Variants in ADARB2 observed in about 807,000 individuals in gnomAD.
ADARB2 encodes adenosine deaminase RNA specific B2 (inactive).
In ADARB2, 25 loss-of-function variants were observed where a neutral mutation model predicts 62.2. The observed-to-expected ratio is 0.40, with a 90% CI of 0.29 to 0.56. The LOEUF is 0.56. ADARB2 is among the 20% of genes least tolerant of loss of function. The pLI is 0.43. For missense variants in ADARB2, 1,071 were observed against 1,077.4 expected (o/e 0.99, Z 0.08); for synonymous variants, 572 against 500.8 (o/e 1.14, Z -1.90).
chr10:1,393,191 T>C (rs541345535), intron 1 of ADARB2, among the ~76,000 whole-genome samples: 1 of 152,340 alleles, frequency 6.6e-6, no homozygotes, highest in South Asian at 2.1e-4. Context: ...TTCTTCTCTC[T>C]GTTGGTTAAA....
At chr10:1,427,406 G>A (rs1463370136) in intron 1 of ADARB2, among the ~76,000 whole-genome samples, 3 of 152,156 alleles carry the variant, frequency 2.0e-5, no homozygotes, top group Non-Finnish European at 4.4e-5. Context: ...CATTAGAAAC[G>A]GGCAAAAGAC....
intron 7 of ADARB2, among the ~76,000 whole-genome samples, chr10:1,214,928 C>T (rs1014373507): frequency 6.6e-6 from 1 of 152,230 alleles, no homozygotes; most frequent in Admixed American, 6.5e-5. Context: ...AAGGAAAGGG[C>T]ACCATTTTCC....
chr10:1,685,521 G>C (rs1588352179), intron 1 of ADARB2, among the ~76,000 whole-genome samples: 1 of 152,108 alleles, frequency 6.6e-6, no homozygotes, highest in African/African-American at 2.4e-5. Flanking sequence ...GAATCCTTGG[G>C]AAAATTTAGA....
intron 1 of ADARB2, among the ~76,000 whole-genome samples, chr10:1,732,111 A>G (rs957781184): frequency 2.0e-5 from 3 of 152,082 alleles, no homozygotes; most frequent in Non-Finnish European, 4.4e-5. Flanking sequence ...ATTTTCTACT[A>G]TTTTGGAAAA....
At chr10:1,540,571 T>G (rs12243709) in intron 1 of ADARB2, among the ~76,000 whole-genome samples, 53 of 41,346 alleles carry the variant, frequency 1.3e-3, no homozygotes, top group Middle Eastern at 0.012. Flanking sequence ...CCCACTCAGA[T>G]GTAGTTCAGA....
rs114672184 is a variant in ADARB2 at position 1,721,761 on chromosome 10, A to C, written c.100+15290T>G. On this transcript the variant is annotated intron_variant, in intron 1 of 9. Transcript: ENST00000381312. Reference sequence around the variant, plus strand: ...GAGCTCTGGATCTCAGGGACACAGCATTTGTGCTTTCATCTACCCTCAGCC... The same window carrying C: ...GAGCTCTGGATCTCAGGGACACAGCCTTTGTGCTTTCATCTACCCTCAGCC... Among the ~76,000 whole-genome samples the C allele has an allele frequency of 6.2e-3, 942 of 152,248 alleles. 10 individuals are homozygous for C. Among genetic ancestry groups the C allele is most frequent in the African/African-American group, 0.022 (899 of 41,532 alleles).
chr10:1,390,855 A>G (rs1832563829), intron 1 of ADARB2, among the ~76,000 whole-genome samples: 1 of 152,234 alleles, frequency 6.6e-6, no homozygotes, highest in African/African-American at 2.4e-5. Flanking sequence ...TGGGATCAGA[A>G]CTGTGAGCCT....
chr10:1,698,402 C>T, intron 1 of ADARB2, among the ~76,000 whole-genome samples: 1 of 152,232 alleles, frequency 6.6e-6, no homozygotes. Context: ...GCTCTGCGAC[C>T]TCCGATGTCA....
At position 1,363,580 on chromosome 10, in the gene ADARB2, C is replaced by T. The variant is rs1035276911; in HGVS notation, c.525G>A (p.Lys175=). ...LTFEGTGPTK[K]KAKMRAAELA... ...GCTCCGCCGCGCGCATCTTGGCCTT[C>T]TTCTTGGTGGGGCCTGTGCCCTCGA... Residue 175 remains lysine (K), a synonymous_variant, in exon 3 of 10, where the codon AAG becomes AAA. Coordinates refer to ENST00000381312, the MANE Select transcript of ADARB2 (RefSeq NM_018702.4). The T allele has an allele frequency of 1.9e-6, 3 of 1,587,444 alleles. No individual in the cohort carries two copies. Among genetic ancestry groups the T allele is most frequent in the Non-Finnish European group, 2.6e-6 (3 of 1,167,322 alleles).
At position 1,363,244 on chromosome 10, in the gene ADARB2, G is replaced by T; in HGVS notation, c.861C>A (p.Arg287=). 7.3e-7 allele frequency: 1 copy of T among 1,361,844 alleles called. No homozygotes were observed. The highest frequency in any genetic ancestry group is 9.5e-7 in the Non-Finnish European group (1 of 1,053,418). The allele number at this position is 1,361,844 out of a possible 1,614,324, so 84.4% of individuals were successfully genotyped here. A position where few individuals can be genotyped will look rare whatever the true frequency, so the allele number is the denominator to read the frequency against. ...RNPVVLLNRL[R]AGLRYVCLAE... is the part of the protein sequence containing the mutation. ...CCAGACACACGTAGCGCAGCCCGGC[G>T]CGCAGGCGGTTCAGCAGCACCACGG... Residue 287 remains arginine (R), a synonymous_variant, in exon 3 of 10, where the codon CGC becomes CGA. Coordinates refer to ENST00000381312, the MANE Select transcript of ADARB2 (RefSeq NM_018702.4).
At position 1,363,209 on chromosome 10, in the gene ADARB2, G is replaced by C; in HGVS notation, c.896C>G (p.Ala299Gly). Residue 299 changes from alanine to glycine, a missense_variant, in exon 3 of 10, where the codon GCC becomes GGC. Transcript: ENST00000381312. ...GLRYVCLAEPAERRARSFVMA... is the reference protein window; with the variant it reads ...GLRYVCLAEPGERRARSFVMA... ...CACGAAGCTCCGCGCGCGCCGCTCG[G>C]CCGGTTCTGCCAGACACACGTAGCG... 6.8e-7 allele frequency: 1 copy of C among 1,468,232 alleles called. No homozygotes were observed. The highest frequency in any genetic ancestry group is 1.3e-5 in the South Asian group (1 of 75,600). 91.0% of individuals were successfully genotyped at this position (1,468,232 alleles called of 1,614,324 possible).
rs555648029 is a variant in ADARB2 at position 1,222,618 on chromosome 10, T to G, written c.1514-5499A>C. ...TAAAGTGTAAGGAAGGGATCCAGTT[T>G]CAGCTTTCTACATATGGCTAGCCAG... On this transcript the variant is annotated intron_variant, in intron 6 of 9. Coordinates refer to ENST00000381312, the MANE Select transcript of ADARB2 (RefSeq NM_018702.4). Among the ~76,000 whole-genome samples the G allele has an allele frequency of 5.9e-4, 88 of 148,966 alleles. 7 individuals carry two copies. The highest frequency in any genetic ancestry group is 2.2e-3 in the African/African-American group (85 of 38,662).
intron 1 of ADARB2, among the ~76,000 whole-genome samples, chr10:1,519,929 C>T (rs1276271440): frequency 2.0e-5 from 3 of 152,284 alleles, no homozygotes; most frequent in East Asian, 3.9e-4. Flanking sequence ...CTTCTGCCAA[C>T]TGGAAATGTC....
chr10:1,546,919 G>C (rs1262444821), intron 1 of ADARB2, among the ~76,000 whole-genome samples: 1 of 152,232 alleles, frequency 6.6e-6, no homozygotes, highest in Non-Finnish European at 1.5e-5. Flanking sequence ...AGGAAGGGAG[G>C]GTCTGTGAAG....
chr10:1,657,967 C>T lies in ADARB2; in HGVS notation c.100+79084G>A, dbSNP rs530728125. On this transcript the variant is annotated intron_variant, in intron 1 of 9. Transcript: ENST00000381312. Reference sequence around the variant, plus strand: ...ATTCTCTGTCTGTGTCTGCCTCAGTCTCTCTCTATCTCAGTCTCTCTCTCT... The same window carrying T: ...ATTCTCTGTCTGTGTCTGCCTCAGTTTCTCTCTATCTCAGTCTCTCTCTCT... 2.4e-3 allele frequency among the ~76,000 whole-genome samples: 361 copies of T among 149,490 alleles called. 1 individual carries two copies. Among genetic ancestry groups the T allele is most frequent in the African/African-American group, 8.9e-3 (348 of 39,204 alleles).
At chr10:1,514,076 A>T (rs1332801205) in intron 1 of ADARB2, among the ~76,000 whole-genome samples, 1 of 150,198 alleles carries the variant, frequency 6.7e-6, no homozygotes, top group African/African-American at 2.4e-5. Context: ...CAAACAAAAA[A>T]TTAGCCAGGC....
chr10:1,679,341 G>A (rs1027777919), intron 1 of ADARB2, among the ~76,000 whole-genome samples: 3 of 152,036 alleles, frequency 2.0e-5, no homozygotes, highest in Non-Finnish European at 4.4e-5. Context: ...ATCCTGTGCC[G>A]GGCACCACAA....
rs370299598 is a variant in ADARB2, at chr10:1,242,193, C to T, written c.1299G>A (p.Ala433=). Residue 433 remains alanine (A), a synonymous_variant, in exon 5 of 10, where the codon GCG becomes GCA. Transcript: ENST00000381312. ...DQGLVVNDCH[A]EVVARRAFLH... is the part of the protein sequence containing the mutation. ...GGAACGCCCGCCGGGCCACGACCTCCGCGTGGCAGTCATTCACCACCAGCC... is the reference window on the plus strand; with the variant it reads ...GGAACGCCCGCCGGGCCACGACCTCTGCGTGGCAGTCATTCACCACCAGCC... 1.7e-5 allele frequency: 27 copies of T among 1,610,392 alleles called. No individual in the cohort carries two copies. The highest frequency in any genetic ancestry group is 1.3e-4 in the East Asian group (6 of 44,768).
In ADARB2 at chr10:1,379,093, C is replaced by T. The variant is rs373102685; in HGVS notation, c.168G>A (p.Thr56=). ...GCTTACTGAGGGTGTCGTCATCCTC[C>T]GTGTTTGTGATGCCAGGACTCAGGT... The part of the protein sequence containing the change: ...FKHLSPGITN[T]EDDDTLSTSS... Residue 56 remains threonine, a synonymous_variant, in exon 2 of 10, where the codon ACG becomes ACA. Transcript: ENST00000381312. 58 of 1,613,400 alleles carry T rather than the reference C, an allele frequency of 3.6e-5. No homozygotes were observed. The highest frequency in any genetic ancestry group is 2.9e-4 in the East Asian group (13 of 44,864).
Sources: gnomAD v4.1 joint callset for allele counts (sites outside exome capture counted in the v4.1 genomes callset) on GRCh38, gnomAD v4.1.1 for gene constraint, MANE v1.5 for transcripts, NCBI Gene and HGNC (gene_info 2026-07-23, HGNC 2026-07-21) for gene names.